MAP4K4: variants seen among roughly 807,000 people sequenced by gnomAD.
MAP4K4 encodes the protein HPK/GCK-like kinase HGK.
A neutral mutation model predicts 189.6 loss-of-function variants in MAP4K4; 38 were observed. The ratio of observed to expected loss-of-function variants is 0.20; its 90% confidence interval spans 0.15 to 0.26. MAP4K4 has a LOEUF of 0.26. Among genes scored for constraint, MAP4K4 ranks in the 10% least tolerant of loss-of-function variants. The pLI, the probability that MAP4K4 is intolerant of heterozygous loss-of-function variation, is 1.00. For synonymous variants in MAP4K4, 610 were observed against 624.3 expected (o/e 0.98, Z 0.34); for missense variants, 1,054 against 1,726.9 (o/e 0.61, Z 6.91).
intron 2 of MAP4K4, among the ~76,000 whole-genome samples, chr2:101,698,948 GTCA>G (rs1439377997): frequency 6.6e-6 from 1 of 152,130 alleles, no homozygotes; most frequent in African/African-American, 2.4e-5. Context: ...CGTGAAAATT[GTCA>G]TCATGTTTCA....
At chr2:101,720,262 C>T (rs1481957960) in intron 2 of MAP4K4, among the ~76,000 whole-genome samples, 2 of 150,630 alleles carry the variant, frequency 1.3e-5, no homozygotes, top group Non-Finnish European at 3.0e-5. Context: ...CAACTTCCAC[C>T]TCCCAGGTTC....
intron 32 of MAP4K4, among the ~76,000 whole-genome samples, chr2:101,889,585 A>ATCCCTGTT (rs2098536513): frequency 6.6e-6 from 1 of 152,160 alleles, no homozygotes; most frequent in South Asian, 2.1e-4. Context: ...GCGTTGACCC[A>ATCCCTGTT]TCCCTGTTTG....
At chr2:101,867,522 T>G in intron 20 of MAP4K4, 1 of 514,320 alleles carries the variant, frequency 1.9e-6, no homozygotes, top group Middle Eastern at 5.2e-4. Flanking sequence ...AGTAAAACCT[T>G]TTTTCTGTTG....
At chr2:101,854,039 C>G (rs986029012) in intron 12 of MAP4K4, among the ~76,000 whole-genome samples, 1 of 152,058 alleles carries the variant, frequency 6.6e-6, no homozygotes, top group African/African-American at 2.4e-5. Context: ...TTCTCTCTTC[C>G]TCAAGAAGCT....
At position 101,888,789 on chromosome 2, in the gene MAP4K4, C is replaced by T; in HGVS notation, c.3932-7C>T. The T allele has an allele frequency of 6.3e-7, 1 of 1,586,176 alleles. No individual in the cohort carries two copies. The highest frequency in any genetic ancestry group is 8.6e-7 in the Non-Finnish European group (1 of 1,168,164). On this transcript the variant is annotated splice_region_variant and splice_polypyrimidine_tract_variant and intron_variant, in intron 31 of 32. Transcript: ENST00000324219. ...TTAACGGTTTGCAATTTTTCCCTCC[C>T]CAAAAGCATATATTCGATCCAATCA...
intron 2 of MAP4K4, among the ~76,000 whole-genome samples, chr2:101,706,677 T>A (rs913616522): frequency 2.0e-5 from 3 of 152,234 alleles, no homozygotes; most frequent in Non-Finnish European, 2.9e-5. Flanking sequence ...AGTTTCCTCA[T>A]AGCTATGCAG....
chr2:101,706,940 C>G (rs1163742185), intron 2 of MAP4K4, among the ~76,000 whole-genome samples: 1 of 152,166 alleles, frequency 6.6e-6, no homozygotes, highest in Non-Finnish European at 1.5e-5. Context: ...GACTAAATCT[C>G]TGGTTTCCTG....
At chr2:101,893,393 T>G in exon 33 of MAP4K4, 1 of 367,668 alleles carries the variant, frequency 2.7e-6, no homozygotes. Context: ...GGTTGAAAAA[T>G]TAATCCTACC....
rs144181698 is a variant in MAP4K4, at chr2:101,716,406, G to A, written c.123+17868G>A. Among the ~76,000 whole-genome samples the A allele has an allele frequency of 9.1e-3, 1,384 of 152,094 alleles. 20 individuals are homozygous for A. The highest frequency in any genetic ancestry group is 0.032 in the African/African-American group (1,322 of 41,470). ...TGCGGTGAGCCAAGATTGTGTCATTGCACTCCAGCCTGGGCGACAGAGCGA... is the reference window on the plus strand; with the variant it reads ...TGCGGTGAGCCAAGATTGTGTCATTACACTCCAGCCTGGGCGACAGAGCGA... On this transcript the variant is annotated intron_variant, in intron 2 of 32. Coordinates refer to ENST00000324219, the Ensembl canonical transcript of MAP4K4.
chr2:101,778,268 G>A (rs1433036165), intron 2 of MAP4K4, among the ~76,000 whole-genome samples: 1 of 151,108 alleles, frequency 6.6e-6, no homozygotes, highest in African/African-American at 2.5e-5. Flanking sequence ...AGTTCCGTAG[G>A]GCTGTGAGTG....
exon 33 of MAP4K4, chr2:101,893,582 G>A (rs2098596525): frequency 5.4e-6 from 1 of 186,404 alleles, no homozygotes; most frequent in African/African-American, 2.4e-5. Context: ...ACAGTAAAAG[G>A]TGGGCAGATG....
intron 2 of MAP4K4, among the ~76,000 whole-genome samples, chr2:101,752,044 G>GA (rs1360413132): frequency 6.6e-6 from 1 of 152,152 alleles, no homozygotes. Flanking sequence ...TGAGCCATGT[G>GA]AACGTCCTCT....
chr2:101,745,533 T>G (rs2065049246), intron 2 of MAP4K4, among the ~76,000 whole-genome samples: 1 of 151,998 alleles, frequency 6.6e-6, no homozygotes. Flanking sequence ...GGCCATGAGT[T>G]CTAAGCTTTT....
At chr2:101,779,099 G>T (rs1558880300) in intron 2 of MAP4K4, among the ~76,000 whole-genome samples, 1 of 152,110 alleles carries the variant, frequency 6.6e-6, no homozygotes, top group Non-Finnish European at 1.5e-5. Flanking sequence ...ATAAATAAAT[G>T]GATATTTATT....
At chr2:101,771,106 T>A (rs76756286) in intron 2 of MAP4K4, among the ~76,000 whole-genome samples, 1,629 of 152,328 alleles carry the variant, frequency 0.011, 38 homozygotes, top group African/African-American at 0.037. Flanking sequence ...TTCACATAAA[T>A]AGCACACCTT....
intron 2 of MAP4K4, among the ~76,000 whole-genome samples, chr2:101,734,223 CAG>C (rs1200736651): frequency 6.6e-6 from 1 of 152,096 alleles, no homozygotes; most frequent in Admixed American, 6.5e-5. Flanking sequence ...AAAATCTGTA[CAG>C]AGTTAAAATA....
chr2:101,807,538 T>C (rs1308374793), intron 3 of MAP4K4, among the ~76,000 whole-genome samples: 2 of 152,230 alleles, frequency 1.3e-5, no homozygotes, highest in African/African-American at 4.8e-5. Context: ...GTAACCTACA[T>C]GACCAAAGAT....
intron 2 of MAP4K4, among the ~76,000 whole-genome samples, chr2:101,780,386 C>T (rs2150532644): frequency 6.6e-6 from 1 of 152,278 alleles, no homozygotes; most frequent in East Asian, 1.9e-4. Context: ...TGAAGTTATA[C>T]TGTGGATATA....
intron 2 of MAP4K4, among the ~76,000 whole-genome samples, chr2:101,777,232 G>A (rs1470224110): frequency 6.6e-6 from 1 of 152,230 alleles, no homozygotes; most frequent in Admixed American, 6.5e-5. Flanking sequence ...TGAGCTTTGT[G>A]TGAGGAAGTA....
Sources: allele counts gnomAD v4.1 joint callset (sites outside exome capture counted in the v4.1 genomes callset), GRCh38; gene constraint gnomAD v4.1.1; transcripts MANE v1.5; gene names NCBI Gene and HGNC (gene_info 2026-07-23, HGNC 2026-07-21).